NADK2: variants seen among roughly 807,000 people sequenced by gnomAD.
The protein encoded by NADK2 is NAD kinase 2, mitochondrial.
NADK2 carries 35 observed loss-of-function variants against 62.1 expected under a neutral mutation model. That is an observed-to-expected ratio of 0.56 (90% CI 0.43 to 0.75). NADK2 has a LOEUF of 0.75. Ranked by LOEUF, NADK2 falls within the 30% of genes least tolerant of loss-of-function variation. The pLI is 0.00. For missense variants in NADK2, 439 were observed against 561.3 expected, an observed-to-expected ratio of 0.78 and a Z score of 2.20; for synonymous variants, 205 against 207.9, an observed-to-expected ratio of 0.99 and a Z score of 0.12.
rs76369068 is a variant in NADK2, at chr5:36,223,802, G to A, written c.560+1740C>T. 7.6e-3 allele frequency among the ~76,000 whole-genome samples: 1,153 copies of A among 152,260 alleles called. 10 individuals are homozygous for A. Among genetic ancestry groups the A allele is most frequent in the African/African-American group, 0.026 (1,094 of 41,550 alleles). ...GCGATACCAAGCTTGGGGATAAGTGGAAGGAAAAGAGATAATAACCAAGAG... is the reference window on the plus strand; with the variant it reads ...GCGATACCAAGCTTGGGGATAAGTGAAAGGAAAAGAGATAATAACCAAGAG... On this transcript the variant is annotated intron_variant, in intron 4 of 11. Coordinates refer to ENST00000381937, the MANE Select transcript of NADK2 (RefSeq NM_001085411.3).
chr5:36,222,444 C>T (rs1326934896), intron 4 of NADK2, among the ~76,000 whole-genome samples: 1 of 152,158 alleles, frequency 6.6e-6, no homozygotes, highest in East Asian at 1.9e-4. Context: ...GAAAGGATCC[C>T]AGGCTGATCC....
chr5:36,223,503 T>C (rs942775349), intron 4 of NADK2, among the ~76,000 whole-genome samples: 4 of 152,008 alleles, frequency 2.6e-5, no homozygotes, highest in African/African-American at 9.7e-5. Flanking sequence ...AACCAAATAG[T>C]AAGATCCTTC....
chr5:36,233,550 C>T (rs1163622858), intron 1 of NADK2, among the ~76,000 whole-genome samples: 1 of 152,158 alleles, frequency 6.6e-6, no homozygotes, highest in Non-Finnish European at 1.5e-5. Context: ...ATAAGCTGGT[C>T]ACAATTTAAC....
At position 36,218,037 on chromosome 5, in the gene NADK2, T is replaced by C. The variant is rs1364013; in HGVS notation, c.645-153A>G. Reference sequence around the variant, plus strand: ...ATCAGAAACACCTAAAGCCTATAGCTTCCTTATCAATGACAGATTTGAATA... The same window carrying C: ...ATCAGAAACACCTAAAGCCTATAGCCTCCTTATCAATGACAGATTTGAATA... On this transcript the variant is annotated intron_variant, in intron 5 of 11. Coordinates refer to ENST00000381937, the MANE Select transcript of NADK2 (RefSeq NM_001085411.3). 8,587 of 603,252 alleles carry C rather than the reference T, an allele frequency of 0.014. 661 individuals are homozygous for C. The East Asian group carries it at 0.17, about 12-fold the overall frequency. 37.4% of individuals were successfully genotyped at this position (603,252 alleles called of 1,614,324 possible).
intron 7 of NADK2, among the ~76,000 whole-genome samples, chr5:36,211,288 T>C (rs906045803): frequency 3.3e-5 from 5 of 152,208 alleles, no homozygotes; most frequent in Non-Finnish European, 7.4e-5. Context: ...AACTGATAAA[T>C]GTCCATTGAA....
chr5:36,217,955 T>C, intron 5 of NADK2, 71 bp from the exon 6 acceptor site: 1 of 1,398,698 alleles, frequency 7.1e-7, no homozygotes, highest in Admixed American at 2.1e-5. Context: ...TATAATAATT[T>C]AACCAAATTA....
At chr5:36,196,484 T>G (rs566082204) in intron 11 of NADK2, among the ~76,000 whole-genome samples, 172 of 152,280 alleles carry the variant, frequency 1.1e-3, no homozygotes, top group African/African-American at 3.9e-3. Context: ...TGCCTTTTTC[T>G]TACTGTCAGT....
chr5:36,236,453 T>G (rs1295115719), intron 1 of NADK2, among the ~76,000 whole-genome samples: 1 of 152,194 alleles, frequency 6.6e-6, no homozygotes, highest in Non-Finnish European at 1.5e-5. Context: ...TGGGCTCATG[T>G]TTTTCAAAGA....
chr5:36,208,785 G>C, intron 7 of NADK2: 2 of 775,398 alleles, frequency 2.6e-6, no homozygotes, highest in Non-Finnish European at 4.1e-6. Flanking sequence ...GAATAATATT[G>C]CTGCACTTCA....
chr5:36,194,240 A>G lies in NADK2; in HGVS notation c.*904T>C, dbSNP rs1268050514. 6.6e-6 allele frequency: 1 copy of G among 152,216 alleles called. No individual in the cohort carries two copies. Among genetic ancestry groups the G allele is most frequent in the Non-Finnish European group, 1.5e-5 (1 of 68,038 alleles). The allele number at this position is 152,216 out of a possible 1,614,324, so 9.4% of individuals were successfully genotyped here. A position where few individuals can be genotyped will look rare whatever the true frequency, so the allele number is the denominator to read the frequency against. ...CAATTCCAAAACTACTGTGTTTTAC[A>G]TATTTATTAAAGAATCCATTCTTTC... On this transcript the variant is annotated 3_prime_UTR_variant, in exon 12 of 12. Transcript: ENST00000381937.
Position 36,241,461 on chromosome 5 carries a change from C to A in NADK2, c.300+38G>T. The A allele has an allele frequency of 6.7e-7, 1 of 1,498,168 alleles. No individual in the cohort carries two copies. Among genetic ancestry groups the A allele is most frequent in the Non-Finnish European group, 8.9e-7 (1 of 1,128,776 alleles). The allele number at this position is 1,498,168 out of a possible 1,614,324, so 92.8% of individuals were successfully genotyped here. A position where few individuals can be genotyped will look rare whatever the true frequency, so the allele number is the denominator to read the frequency against. Reference sequence around the variant, plus strand: ...GCGCAGCCGCCACCAGAGCCCCGGCCGAGCCCGGGAGCGAAGCGGGGCCGA... The same window carrying A: ...GCGCAGCCGCCACCAGAGCCCCGGCAGAGCCCGGGAGCGAAGCGGGGCCGA... On this transcript the variant is annotated intron_variant, in intron 1 of 11. Coordinates refer to ENST00000381937, the MANE Select transcript of NADK2 (RefSeq NM_001085411.3). This position sits in a 1 kb window ranked among gnomAD's most constrained non-coding sequence, Gnocchi z 4.9.
At position 36,241,538 on chromosome 5, in the gene NADK2, G is replaced by A. The variant is rs894664260; in HGVS notation, c.261C>T (p.Tyr87=). ...TTRYEFEQQR[Y]RYAELSEEDL... is the part of the protein sequence containing the mutation. ...CCTCCTCCGAGAGCTCCGCGTAACGGTACCGCTGCTGCTCGAACTCGTACC... is the reference window on the plus strand; with the variant it reads ...CCTCCTCCGAGAGCTCCGCGTAACGATACCGCTGCTGCTCGAACTCGTACC... Residue 87 remains tyrosine, a synonymous_variant, in exon 1 of 12, where the codon TAC becomes TAT. Coordinates refer to ENST00000381937, the MANE Select transcript of NADK2 (RefSeq NM_001085411.3). This position sits in a 1 kb window ranked among gnomAD's most constrained non-coding sequence, Gnocchi z 4.9. 6.4e-7 allele frequency: 1 copy of A among 1,569,186 alleles called. No individual in the cohort carries two copies. Among genetic ancestry groups the A allele is most frequent in the Admixed American group, 1.7e-5 (1 of 57,642 alleles).
chr5:36,199,069 G>T (rs1263735922), intron 10 of NADK2, among the ~76,000 whole-genome samples: 1 of 151,706 alleles, frequency 6.6e-6, no homozygotes, highest in African/African-American at 2.4e-5. Context: ...GGGGTGGGGG[G>T]AGGAATAGCA....
chr5:36,234,714 T>C (rs1406328048), intron 1 of NADK2, among the ~76,000 whole-genome samples: 2 of 152,252 alleles, frequency 1.3e-5, no homozygotes, highest in East Asian at 3.8e-4. Context: ...AGAATATTAA[T>C]AGCTGTTAAG....
chr5:36,208,531 T>C, intron 7 of NADK2: 1 of 853,678 alleles, frequency 1.2e-6, no homozygotes, highest in Non-Finnish European at 1.8e-6. Context: ...GCAAATTTAG[T>C]GTCATTCTCA....
At chr5:36,240,147 C>T (rs1285733695) in intron 1 of NADK2, among the ~76,000 whole-genome samples, 1 of 152,220 alleles carries the variant, frequency 6.6e-6, no homozygotes, top group Non-Finnish European at 1.5e-5. Flanking sequence ...TCTAGTTTCA[C>T]TCCCTAATAC....
rs1561062641 is a variant in NADK2 at position 36,211,890 on chromosome 5, C to T, written c.814G>A (p.Val272Met). ...ATGAAGACTTCATTTAGTGCTCTCA[C>T]TGGCAGAAGTTGGGGTCCTGAAGCC... ...SEASGPQLLP[V>M]RALNEVFIGE... Residue 272 changes from valine (V) to methionine (M), a missense_variant, in exon 7 of 12, where the codon GTG becomes ATG. Coordinates refer to ENST00000381937, the MANE Select transcript of NADK2 (RefSeq NM_001085411.3). The T allele has an allele frequency of 6.2e-7, 1 of 1,613,670 alleles. No individual in the cohort carries two copies. Among genetic ancestry groups the T allele is most frequent in the Non-Finnish European group, 8.5e-7 (1 of 1,179,750 alleles).
Position 36,241,279 on chromosome 5 carries a change from C to T in NADK2, c.300+220G>A. The T allele has an allele frequency of 1.1e-6, 1 of 907,810 alleles. No homozygotes were observed. Among genetic ancestry groups the T allele is most frequent in the East Asian group, 3.7e-5 (1 of 26,958 alleles). 56.2% of individuals were successfully genotyped at this position (907,810 alleles called of 1,614,324 possible). On this transcript the variant is annotated intron_variant, in intron 1 of 11. Coordinates refer to ENST00000381937, the MANE Select transcript of NADK2 (RefSeq NM_001085411.3). The surrounding 1 kb of genome is among the most constrained non-coding windows in gnomAD (Gnocchi z 4.9). Reference sequence around the variant, plus strand: ...TCCCTGCATGAACCACTGTCCCTCTCTCTCCCCCTCTCCCCGGCCCTGCCT... The same window carrying T: ...TCCCTGCATGAACCACTGTCCCTCTTTCTCCCCCTCTCCCCGGCCCTGCCT...
chr5:36,214,813 G>T (rs1746983050), intron 6 of NADK2, among the ~76,000 whole-genome samples: 1 of 152,206 alleles, frequency 6.6e-6, no homozygotes, highest in African/African-American at 2.4e-5. Flanking sequence ...TTTGGCAGCA[G>T]CCTTGGTTGC....
Sources: allele counts gnomAD v4.1 joint callset (sites outside exome capture counted in the v4.1 genomes callset), GRCh38; gene constraint gnomAD v4.1.1; non-coding constraint Gnocchi (gnomAD v3.1); transcripts MANE v1.5; gene names NCBI Gene and HGNC (gene_info 2026-07-23, HGNC 2026-07-21).